The following NNT variants were observed in gnomAD, a reference collection of about 807,000 sequenced individuals.
NNT encodes nicotinamide nucleotide transhydrogenase.
A neutral mutation model predicts 104.8 loss-of-function variants in NNT; 50 were observed. The observed-to-expected ratio is 0.48, with a 90% CI of 0.38 to 0.60. NNT has a LOEUF of 0.60. Among genes scored for constraint, NNT ranks in the 20% least tolerant of loss-of-function variants. The pLI is 0.00. For synonymous variants in NNT, 461 were observed against 490.4 expected (o/e 0.94, Z 0.79); for missense variants, 1,131 against 1,330.7 (o/e 0.85, Z 2.33).
chr5:43,702,581 T>G, intron 20 of NNT, 40 bp from the exon 21 acceptor site: 1 of 1,264,004 alleles, frequency 7.9e-7, no homozygotes, highest in Non-Finnish European at 1.1e-6. Flanking sequence ...AAAGTGACCA[T>G]TTGAGTTTTA....
intron 19 of NNT, among the ~76,000 whole-genome samples, chr5:43,689,607 G>A (rs1273979134): frequency 5.3e-5 from 8 of 152,180 alleles, no homozygotes; most frequent in East Asian, 3.9e-4. Context: ...ATTATTTCGC[G>A]TGTGGCTTAC....
At position 43,702,755 on chromosome 5, in the gene NNT, A is replaced by G; in HGVS notation, c.3111+19A>G. 9 of 1,528,130 alleles carry G rather than the reference A, an allele frequency of 5.9e-6. No homozygotes were observed. Among genetic ancestry groups the G allele is most frequent in the Non-Finnish European group, 8.1e-6 (9 of 1,109,718 alleles). 94.7% of individuals were successfully genotyped at this position (1,528,130 alleles called of 1,614,324 possible). On this transcript the variant is annotated intron_variant, in intron 21 of 21. Coordinates refer to ENST00000344920, the MANE Select transcript of NNT (RefSeq NM_182977.3). ...AAAGCAGGTAAAGTTTCAGACTTGT[A>G]TTTCATTCTGATAATCAAAGGTCAC...
At chr5:43,617,063 C>T (rs1749829289) in intron 4 of NNT, among the ~76,000 whole-genome samples, 2 of 152,128 alleles carry the variant, frequency 1.3e-5, no homozygotes, top group African/African-American at 4.8e-5. Context: ...GGAAATATGT[C>T]ATAGATTCTA....
chr5:43,650,589 TATG>T lies in NNT; in HGVS notation c.1717+6_1717+8del. 1 of 1,607,438 alleles carries T rather than the reference TATG, an allele frequency of 6.2e-7. No homozygotes were observed. On this transcript the variant is annotated splice_donor_5th_base_variant and intron_variant, in intron 12 of 21. Transcript: ENST00000344920. Reference sequence around the variant, plus strand: ...TCATATCCTCTGTCAACATTGCAGGTATGATGTCAGTGAAAGGTCTCAGTACTA... The same window carrying T: ...TCATATCCTCTGTCAACATTGCAGGTATGTCAGTGAAAGGTCTCAGTACTA...
In NNT at chr5:43,706,211, T is replaced by G. The variant is rs963480981; in HGVS notation, c.*1807T>G. 6.6e-6 allele frequency: 1 copy of G among 151,646 alleles called. No homozygotes were observed. Among genetic ancestry groups the G allele is most frequent in the Non-Finnish European group, 1.5e-5 (1 of 67,846 alleles). The allele number at this position is 151,646 out of a possible 1,614,324, so 9.4% of individuals were successfully genotyped here. ...TTATTTTACTTTATTGGTTAGGATA[T>G]TTAAAGGATTTTTGTATATATAATT... On this transcript the variant is annotated 3_prime_UTR_variant, in exon 22 of 22. Coordinates refer to ENST00000344920, the MANE Select transcript of NNT (RefSeq NM_182977.3).
Position 43,653,137 on chromosome 5 carries a change from C to T in NNT, c.1983C>T (p.Ala661=), listed in dbSNP as rs1739852887. 1 of 1,614,108 alleles carries T rather than the reference C, an allele frequency of 6.2e-7. No individual in the cohort carries two copies. Among genetic ancestry groups the T allele is most frequent in the African/African-American group, 1.3e-5 (1 of 75,014 alleles). ...TTGGGGTTGCTGGAGGACTGGCAGC[C>T]ACCCTCGGAGTCCTAAAACCGGGCC... is the stretch of plus-strand genomic sequence containing the variant. The part of the protein sequence containing the change: ...GMIGVAGGLA[A]TLGVLKPGPE... The change falls in exon 14 of 22, where the codon GCC becomes GCT. Residue 661 remains alanine (A), a synonymous_variant. Coordinates refer to ENST00000344920, the MANE Select transcript of NNT (RefSeq NM_182977.3).
intron 15 of NNT, 109 bp downstream of exon 15, chr5:43,656,182 C>A (rs1740034471): frequency 1.1e-6 from 1 of 936,894 alleles, no homozygotes; most frequent in Non-Finnish European, 1.6e-6. Flanking sequence ...ATGGCTCATG[C>A]CTGCAATCCA....
chr5:43,660,764 C>G (rs35910245), intron 17 of NNT, among the ~76,000 whole-genome samples: 5,135 of 152,124 alleles, frequency 0.034, 133 homozygotes, highest in East Asian at 0.12. Flanking sequence ...TTTTAAAGCA[C>G]CAGATCTCGT....
At chr5:43,666,841 G>T (rs943192251) in intron 17 of NNT, 10 of 1,422,010 alleles carry the variant, frequency 7.0e-6, no homozygotes, top group Non-Finnish European at 9.8e-6. Context: ...TGCAGCCTGG[G>T]CCTTGGTTTG....
At chr5:43,667,855 CA>C (rs1329685588) in intron 17 of NNT, among the ~76,000 whole-genome samples, 2 of 152,198 alleles carry the variant, frequency 1.3e-5, no homozygotes, top group Non-Finnish European at 2.9e-5. Context: ...CTGTCTTCCT[CA>C]ATGGTTGAAC....
chr5:43,620,515 C>T (rs974379872), intron 5 of NNT, among the ~76,000 whole-genome samples: 20 of 152,104 alleles, frequency 1.3e-4, no homozygotes, highest in African/African-American at 3.6e-4. Flanking sequence ...CCACCATGCC[C>T]GGCTGCTTCC....
At chr5:43,617,942 A>G (rs1323248211) in intron 4 of NNT, among the ~76,000 whole-genome samples, 1 of 152,214 alleles carries the variant, frequency 6.6e-6, no homozygotes, top group Non-Finnish European at 1.5e-5. Flanking sequence ...AAGTATTATT[A>G]TGTAAAAATA....
chr5:43,675,024 C>T (rs1205680834), intron 17 of NNT, among the ~76,000 whole-genome samples: 1 of 152,034 alleles, frequency 6.6e-6, no homozygotes, highest in East Asian at 1.9e-4. Flanking sequence ...CAGTATCAAC[C>T]CCCATATTTC....
chr5:43,677,451 G>C (rs1741478796), intron 18 of NNT, among the ~76,000 whole-genome samples: 1 of 151,978 alleles, frequency 6.6e-6, no homozygotes, highest in South Asian at 2.1e-4. Context: ...AGAGACAAGA[G>C]AGGGAACACC....
intron 19 of NNT, among the ~76,000 whole-genome samples, chr5:43,698,207 AAT>A (rs997969455): frequency 6.6e-6 from 1 of 151,672 alleles, no homozygotes; most frequent in Admixed American, 6.6e-5. Context: ...AATATATGAA[AAT>A]ATATATATAT....
intron 3 of NNT, among the ~76,000 whole-genome samples, chr5:43,614,189 T>C (rs1439813210): frequency 6.6e-6 from 1 of 152,268 alleles, no homozygotes; most frequent in Non-Finnish European, 1.5e-5. Context: ...TATAAGGGTG[T>C]GCTTACATTT....
Position 43,677,822 on chromosome 5 carries a change from G to A in NNT, c.2876+16G>A. The stretch of plus-strand genomic sequence containing the variant: ...AAAAAGTCAGGTAAGCGTTTGCAGT[G>A]GAGAGGCTTGCACTATGTGTAAAGA... On this transcript the variant is annotated intron_variant, in intron 19 of 21. Coordinates refer to ENST00000344920, the MANE Select transcript of NNT (RefSeq NM_182977.3). 1 of 1,594,998 alleles carries A rather than the reference G, an allele frequency of 6.3e-7. No individual in the cohort carries two copies. Among genetic ancestry groups the A allele is most frequent in the Non-Finnish European group, 8.6e-7 (1 of 1,162,808 alleles).
At chr5:43,694,527 A>C (rs1441822440) in intron 19 of NNT, among the ~76,000 whole-genome samples, 2 of 152,170 alleles carry the variant, frequency 1.3e-5, no homozygotes, top group Non-Finnish European at 2.9e-5. Flanking sequence ...TTCTGCATCT[A>C]TTGAGATAAT....
Position 43,677,705 on chromosome 5 carries a change from G to T in NNT, c.2795-20G>T, listed in dbSNP as rs1741492363. On this transcript the variant is annotated intron_variant, in intron 18 of 21. Transcript: ENST00000344920. ...CAAAATAAAAAACACATTCTTCTGT[G>T]TTCTTAATGTTCCTTGCAGGCTATG... The T allele has an allele frequency of 2.5e-6, 4 of 1,604,552 alleles. No homozygotes were observed. Among genetic ancestry groups the T allele is most frequent in the Admixed American group, 1.7e-5 (1 of 59,966 alleles).
Sources: allele counts gnomAD v4.1 joint callset (sites outside exome capture counted in the v4.1 genomes callset), GRCh38; gene constraint gnomAD v4.1.1; transcripts MANE v1.5; gene names NCBI Gene and HGNC (gene_info 2026-07-23, HGNC 2026-07-21).